ROS1: variants seen among roughly 807,000 people sequenced by gnomAD.
ROS1 encodes the protein proto-oncogene tyrosine-protein kinase ROS.
In ROS1, 263 loss-of-function variants were observed where a neutral mutation model predicts 273.5. That is an observed-to-expected ratio of 0.96 (90% CI 0.87 to 1.06). ROS1 has a LOEUF of 1.06. Ranked by LOEUF, ROS1 falls within the 50% of genes least tolerant of loss-of-function variation. ROS1 has a pLI of 0.00. For missense variants in ROS1, 2,833 were observed against 2,751.1 expected, an observed-to-expected ratio of 1.03 and a Z score of -0.67; for synonymous variants, 1,008 against 954.1, an observed-to-expected ratio of 1.06 and a Z score of -1.04.
At chr6:117,353,920 G>A (rs1323531952) in intron 26 of ROS1, among the ~76,000 whole-genome samples, 1 of 152,142 alleles carries the variant, frequency 6.6e-6, no homozygotes, top group African/African-American at 2.4e-5. Context: ...CACATTGAGA[G>A]TGCAGTGTCT....
intron 43 of ROS1, among the ~76,000 whole-genome samples, chr6:117,290,679 A>G (rs1417789170): frequency 6.6e-6 from 1 of 152,172 alleles, no homozygotes; most frequent in Non-Finnish European, 1.5e-5. Flanking sequence ...ATGTTTACAC[A>G]AATGTTTGGA....
At chr6:117,305,976 G>C (rs1270021907) in intron 42 of ROS1, among the ~76,000 whole-genome samples, 1 of 150,942 alleles carries the variant, frequency 6.6e-6, no homozygotes, top group African/African-American at 2.4e-5. Flanking sequence ...TGGCTAAGTA[G>C]AGGTTCCAAT....
At chr6:117,340,621 C>T (rs1036077845) in intron 31 of ROS1, among the ~76,000 whole-genome samples, 12 of 152,028 alleles carry the variant, frequency 7.9e-5, no homozygotes, top group South Asian at 6.2e-4. Context: ...TGGGTGCTTC[C>T]TTATTGGTTA....
chr6:117,374,694 A>G (rs902378110), intron 18 of ROS1, among the ~76,000 whole-genome samples: 2 of 152,264 alleles, frequency 1.3e-5, no homozygotes. Flanking sequence ...CAACCCACAG[A>G]GTGGGAGAAA....
chr6:117,325,453 T>C lies in ROS1; in HGVS notation c.5539+771A>G, dbSNP rs922860801. On this transcript the variant is annotated intron_variant, in intron 34 of 43. Transcript: ENST00000368507. ...AAATATTGGAAAAGATAAACCACAA[T>C]TGGAGGATAAATTACAGAAGACCTC... 4.6e-5 allele frequency among the ~76,000 whole-genome samples: 7 copies of C among 152,110 alleles called. No homozygotes were observed. In the South Asian group the frequency reaches 6.2e-4, roughly 14 times the overall value.
At position 117,342,354 on chromosome 6, in the gene ROS1, A is replaced by G. The variant is rs776429166; in HGVS notation, c.4651+46T>C. ...AAACATCAACATACACAGCACATAT[A>G]TCACAATATTCTGCTTGAGAAACCC... is the stretch of plus-strand genomic sequence containing the variant. On this transcript the variant is annotated intron_variant, in intron 29 of 43. Coordinates refer to ENST00000368507, the MANE Select transcript of ROS1 (RefSeq NM_001378902.1). The G allele has an allele frequency of 5.8e-6, 9 of 1,563,666 alleles. No homozygotes were observed. In the Admixed American group the frequency reaches 1.6e-4, roughly 28 times the overall value.
At chr6:117,392,602 C>A (rs1386970152) in intron 12 of ROS1, among the ~76,000 whole-genome samples, 1 of 152,136 alleles carries the variant, frequency 6.6e-6, no homozygotes, top group South Asian at 2.1e-4. Flanking sequence ...AGTATTATTA[C>A]CTTCCCTATA....
chr6:117,384,665 T>C lies in ROS1; in HGVS notation c.2289+1018A>G, dbSNP rs149122880. Among the ~76,000 whole-genome samples the C allele has an allele frequency of 4.9e-3, 745 of 152,320 alleles. 2 individuals carry two copies. The highest frequency in any genetic ancestry group is 8.1e-3 in the Non-Finnish European group (549 of 68,020). On this transcript the variant is annotated intron_variant, in intron 16 of 43. Transcript: ENST00000368507. ...TTCAAAATATATCACTCCACAGGTG[T>C]GCTGGATGTCTTTATTTTGCCTCTA...
At chr6:117,339,293 G>A (rs1777730091) in intron 31 of ROS1, among the ~76,000 whole-genome samples, 1 of 152,082 alleles carries the variant, frequency 6.6e-6, no homozygotes, top group Admixed American at 6.6e-5. Flanking sequence ...TATGGCCCAG[G>A]GAAGACAAAA....
chr6:117,354,112 A>T (rs780874312), intron 26 of ROS1, among the ~76,000 whole-genome samples: 9 of 152,152 alleles, frequency 5.9e-5, no homozygotes, highest in Non-Finnish European at 1.2e-4. Context: ...GCACTTTGGG[A>T]GGTCAAGGCA....
chr6:117,354,743 G>T (rs1779158403), intron 26 of ROS1, among the ~76,000 whole-genome samples: 1 of 152,092 alleles, frequency 6.6e-6, no homozygotes, highest in Non-Finnish European at 1.5e-5. Context: ...GGTCTACTAG[G>T]TAATTCTTGT....
intron 7 of ROS1, among the ~76,000 whole-genome samples, chr6:117,399,840 G>A (rs986102558): frequency 1.3e-5 from 2 of 152,268 alleles, no homozygotes; most frequent in East Asian, 3.9e-4. Context: ...CTCCCAGCTG[G>A]TCTCTACCTC....
intron 36 of ROS1, among the ~76,000 whole-genome samples, chr6:117,320,981 T>C (rs1349940919): frequency 6.6e-6 from 1 of 152,154 alleles, no homozygotes; most frequent in Non-Finnish European, 1.5e-5. Context: ...CCATCTATTC[T>C]CTTCAATGTA....
In ROS1 at chr6:117,319,965, C is replaced by T. The variant is rs140237260; in HGVS notation, c.5825G>A (p.Arg1942His). The T allele has an allele frequency of 2.9e-5, 46 of 1,613,356 alleles. No homozygotes were observed. Among genetic ancestry groups the T allele is most frequent in the Non-Finnish European group, 3.5e-5 (41 of 1,179,620 alleles). Reference sequence around the variant, plus strand: ...AAAGGCTCCACTTCCCAGCAAGAGACGCAGAGTCAGTTTTTCCCGAGGGAA... The same window carrying T: ...AAAGGCTCCACTTCCCAGCAAGAGATGCAGAGTCAGTTTTTCCCGAGGGAA... ...PAFPREKLTL[R>H]LLLGSGAFGE... The change falls in exon 37 of 44, where the codon CGT becomes CAT. Residue 1942 changes from arginine to histidine, a missense_variant. Physicochemically the swap from Arg to His is conservative, Grantham distance 29. Transcript: ENST00000368507.
In ROS1 at chr6:117,365,117, A is replaced by G; in HGVS notation, c.3046T>C (p.Tyr1016His). Residue 1016 changes from tyrosine to histidine, a missense_variant, in exon 21 of 44, where the codon TAT becomes CAT. By Grantham distance (83) the Tyr-to-His change is moderately conservative. Transcript: ENST00000368507. ...YALFNLSVTPYTYWGKGPKTS... is the reference protein window; with the variant it reads ...YALFNLSVTPHTYWGKGPKTS... ...TTGGGGCCCTTTCCCCAGTAGGTAT[A>G]AGGAGTGACAGAAAGATTAAATAAG... 1 of 1,613,804 alleles carries G rather than the reference A, an allele frequency of 6.2e-7. No homozygotes were observed. The highest frequency in any genetic ancestry group is 8.5e-7 in the Non-Finnish European group (1 of 1,179,742).
intron 18 of ROS1, among the ~76,000 whole-genome samples, chr6:117,372,932 A>C (rs888754122): frequency 2.0e-5 from 3 of 152,118 alleles, no homozygotes; most frequent in Admixed American, 6.5e-5. Context: ...CATTTTACAG[A>C]GAGCTGATTG....
chr6:117,367,885 A>G (rs1416884671), intron 18 of ROS1, among the ~76,000 whole-genome samples: 1 of 152,196 alleles, frequency 6.6e-6, no homozygotes, highest in Admixed American at 6.5e-5. Flanking sequence ...GCATAACAAG[A>G]TAAACAGGGA....
rs139443222 is a variant in ROS1, at chr6:117,351,363, G to A, written c.4303+1627C>T. On this transcript the variant is annotated intron_variant, in intron 27 of 43. Transcript: ENST00000368507. Reference sequence around the variant, plus strand: ...CTGTGATTAGTGTATCTTGAATGCAGCCCTTGTTAAGAAGAACAGAATGCT... The same window carrying A: ...CTGTGATTAGTGTATCTTGAATGCAACCCTTGTTAAGAAGAACAGAATGCT... Among the ~76,000 whole-genome samples the A allele has an allele frequency of 9.9e-4, 150 of 152,140 alleles. 1 individual carries two copies. In the South Asian group the frequency reaches 0.023, roughly 23 times the overall value.
At chr6:117,370,516 T>G (rs187254835) in intron 18 of ROS1, among the ~76,000 whole-genome samples, 11 of 152,316 alleles carry the variant, frequency 7.2e-5, no homozygotes, top group Middle Eastern at 3.4e-3. Flanking sequence ...TAACCTATAT[T>G]TTAATTTTAG....
Sources: gnomAD v4.1 joint callset for allele counts (sites outside exome capture counted in the v4.1 genomes callset) on GRCh38, gnomAD v4.1.1 for gene constraint, MANE v1.5 for transcripts, NCBI Gene and HGNC (gene_info 2026-07-23, HGNC 2026-07-21) for gene names.